Variants in CACNB4 observed in about 807,000 individuals in gnomAD.
CACNB4 encodes the protein calcium voltage-gated channel auxiliary subunit beta 4.
CACNB4 carries 32 observed loss-of-function variants against 71.2 expected under a neutral mutation model. The ratio of observed to expected loss-of-function variants is 0.45; its 90% confidence interval spans 0.34 to 0.60. CACNB4 has a LOEUF of 0.60. CACNB4 is among the 20% of genes least tolerant of loss of function. CACNB4 has a pLI of 0.01. For synonymous variants in CACNB4, 231 were observed against 236.9 expected (o/e 0.97, Z 0.23); for missense variants, 464 against 647.9 (o/e 0.72, Z 3.08).
At chr2:152,044,047 T>A (rs945517341) in intron 2 of CACNB4, among the ~76,000 whole-genome samples, 1 of 151,942 alleles carries the variant, frequency 6.6e-6, no homozygotes, top group Non-Finnish European at 1.5e-5. Flanking sequence ...CTCTTAAAAA[T>A]TTTTTTCAAA....
intron 2 of CACNB4, among the ~76,000 whole-genome samples, chr2:151,979,990 A>C (rs2099874434): frequency 6.6e-6 from 1 of 152,166 alleles, no homozygotes; most frequent in Admixed American, 6.5e-5. Flanking sequence ...ACCTCCCTAA[A>C]AGGTGGGACT....
intron 2 of CACNB4, among the ~76,000 whole-genome samples, chr2:151,940,787 G>A (rs2099864033): frequency 6.6e-6 from 1 of 152,152 alleles, no homozygotes; most frequent in Non-Finnish European, 1.5e-5. Context: ...TGATTATAAA[G>A]GATCTTGGAA....
At chr2:152,029,319 C>A (rs1045716391) in intron 2 of CACNB4, among the ~76,000 whole-genome samples, 1 of 151,612 alleles carries the variant, frequency 6.6e-6, no homozygotes, top group Non-Finnish European at 1.5e-5. Context: ...ATGGTGAAGC[C>A]CCGTCTCTAC....
chr2:152,008,570 G>A (rs963219354), intron 2 of CACNB4, among the ~76,000 whole-genome samples: 1 of 152,138 alleles, frequency 6.6e-6, no homozygotes, highest in African/African-American at 2.4e-5. Flanking sequence ...AAAGTGCCGG[G>A]ATTACAAGCA....
intron 2 of CACNB4, among the ~76,000 whole-genome samples, chr2:151,982,837 G>T (rs147199458): frequency 6.6e-6 from 1 of 152,186 alleles, no homozygotes; most frequent in Admixed American, 6.5e-5. Flanking sequence ...CTTGTTGAGC[G>T]GCTCAACCTG....
intron 2 of CACNB4, among the ~76,000 whole-genome samples, chr2:152,061,625 T>G (rs1440770671): frequency 1.4e-5 from 2 of 146,930 alleles, no homozygotes; most frequent in Non-Finnish European, 3.0e-5. Flanking sequence ...GCCACTGTGA[T>G]TTCTGCTTCT....
chr2:152,004,962 C>T (rs1279522787), intron 2 of CACNB4, among the ~76,000 whole-genome samples: 1 of 152,114 alleles, frequency 6.6e-6, no homozygotes, highest in Non-Finnish European at 1.5e-5. Context: ...AAATCAAAAC[C>T]ACAATGAGAC....
intron 2 of CACNB4, among the ~76,000 whole-genome samples, chr2:152,042,654 G>A (rs532391907): frequency 6.6e-6 from 1 of 151,272 alleles, no homozygotes; most frequent in East Asian, 1.9e-4. Flanking sequence ...TATATCTTAT[G>A]TTCCCCCTTC....
chr2:152,041,646 C>T (rs1448371812), intron 2 of CACNB4, among the ~76,000 whole-genome samples: 1 of 152,116 alleles, frequency 6.6e-6, no homozygotes, highest in African/African-American at 2.4e-5. Context: ...CAGTCCATCA[C>T]CAAAAGACAT....
At chr2:152,094,688 A>G (rs1579288011) in intron 2 of CACNB4, among the ~76,000 whole-genome samples, 1 of 152,216 alleles carries the variant, frequency 6.6e-6, no homozygotes, top group East Asian at 1.9e-4. Context: ...GCTAGATTAT[A>G]AAAATCTTTG....
At chr2:151,848,984 A>G (rs960884102) in intron 12 of CACNB4, among the ~76,000 whole-genome samples, 1 of 152,212 alleles carries the variant, frequency 6.6e-6, no homozygotes, top group African/African-American at 2.4e-5. Flanking sequence ...TAATGGCAAT[A>G]CAAAATCAGG....
In CACNB4 at chr2:151,833,373, T is replaced by C. The variant is rs2099834212; in HGVS notation, c.*5746A>G. ...AATCCCTAACTAATATAATTTTTTGTGGTTGGGACATCTTTATTGATCATT... is the reference window on the plus strand; with the variant it reads ...AATCCCTAACTAATATAATTTTTTGCGGTTGGGACATCTTTATTGATCATT... On this transcript the variant is annotated 3_prime_UTR_variant, in exon 14 of 14. Transcript: ENST00000539935. 1 of 152,114 alleles carries C rather than the reference T, an allele frequency of 6.6e-6. No individual in the cohort carries two copies. Among genetic ancestry groups the C allele is most frequent in the Non-Finnish European group, 1.5e-5 (1 of 67,962 alleles). The allele number at this position is 152,114 out of a possible 1,614,324, so 9.4% of individuals were successfully genotyped here.
intron 2 of CACNB4, among the ~76,000 whole-genome samples, chr2:151,985,359 T>C (rs1204944400): frequency 6.6e-6 from 1 of 152,218 alleles, no homozygotes; most frequent in African/African-American, 2.4e-5. Context: ...ACCATATAGA[T>C]GTCCTATGCA....
chr2:151,866,152 TATA>T (rs1198027634), intron 9 of CACNB4: 1 of 152,182 alleles, frequency 6.6e-6, no homozygotes, highest in Non-Finnish European at 1.5e-5. Context: ...AATAAAATTG[TATA>T]ATAAGTAGCT....
chr2:151,958,428 C>G (rs1197237428), intron 2 of CACNB4, among the ~76,000 whole-genome samples: 1 of 152,084 alleles, frequency 6.6e-6, no homozygotes, highest in Non-Finnish European at 1.5e-5. Context: ...TAGCCAGAAA[C>G]CAATGGCTAA....
At chr2:151,875,631 T>A (rs1248725066) in intron 5 of CACNB4, among the ~76,000 whole-genome samples, 1 of 111,266 alleles carries the variant, frequency 9.0e-6, no homozygotes, top group South Asian at 3.1e-4. Context: ...GGCTGACCCC[T>A]CCACCTCCCT....
At chr2:151,937,960 C>T (rs913751534) in intron 2 of CACNB4, among the ~76,000 whole-genome samples, 6 of 152,162 alleles carry the variant, frequency 3.9e-5, no homozygotes, top group Admixed American at 6.5e-5. Flanking sequence ...ATTTTCAGAA[C>T]GTTCTGAAAT....
chr2:151,919,568 C>T (rs2099858388), intron 2 of CACNB4, among the ~76,000 whole-genome samples: 1 of 152,138 alleles, frequency 6.6e-6, no homozygotes. Context: ...GGGGGCACTC[C>T]CCCTCAGGGT....
chr2:152,088,628 T>C (rs1005287945), intron 2 of CACNB4, among the ~76,000 whole-genome samples: 1 of 152,138 alleles, frequency 6.6e-6, no homozygotes, highest in Non-Finnish European at 1.5e-5. Context: ...AGAAATGAAA[T>C]AGACACGATT....
Sources: allele counts gnomAD v4.1 joint callset (sites outside exome capture counted in the v4.1 genomes callset), GRCh38; gene constraint gnomAD v4.1.1; transcripts MANE v1.5; gene names NCBI Gene and HGNC (gene_info 2026-07-23, HGNC 2026-07-21).